TTLL11: variants seen among roughly 807,000 people sequenced by gnomAD.
TTLL11 encodes tubulin tyrosine ligase like 11, also known as tubulin polyglutamylase TTLL11.
A neutral mutation model predicts 51.7 loss-of-function variants in TTLL11; 42 were observed. The ratio of observed to expected loss-of-function variants is 0.81; its 90% CI spans 0.64 to 1.05. The LOEUF (loss-of-function observed/expected upper bound fraction) is 1.05. TTLL11 is among the 50% of genes least tolerant of loss of function. The pLI is 0.00. For synonymous variants in TTLL11, 381 were observed against 383.5 expected (o/e 0.99, Z 0.08); for missense variants, 799 against 940.4 (o/e 0.85, Z 1.97).
intron 8 of TTLL11, among the ~76,000 whole-genome samples, chr9:121,841,328 GC>G (rs990695938): frequency 6.6e-6 from 1 of 152,196 alleles, no homozygotes; most frequent in Non-Finnish European, 1.5e-5. Flanking sequence ...CCTGCAGGTA[GC>G]AGGCAAACCC....
At chr9:121,961,494 C>CCCAA (rs1842218238) in intron 6 of TTLL11, among the ~76,000 whole-genome samples, 1 of 152,078 alleles carries the variant, frequency 6.6e-6, no homozygotes, top group South Asian at 2.1e-4. Flanking sequence ...CAAATTTACC[C>CCCAA]CCAAGAGTCT....
At chr9:121,962,303 G>A (rs1269595338) in intron 6 of TTLL11, among the ~76,000 whole-genome samples, 1 of 152,146 alleles carries the variant, frequency 6.6e-6, no homozygotes, top group Non-Finnish European at 1.5e-5. Flanking sequence ...CAGCAGGGAA[G>A]CAGCATCTGT....
At position 122,000,471 on chromosome 9, in the gene TTLL11, C is replaced by CAA. The variant is rs57775265; in HGVS notation, c.694-10703_694-10702dup. On this transcript the variant is annotated intron_variant, in intron 3 of 8. Coordinates refer to ENST00000321582, the MANE Select transcript of TTLL11 (RefSeq NM_001139442.2). ...TGGGTGACAGAGTGAGACTCCGTCG[C>CAA]AAAAAAAAAAAAAAAAAAAAAAAAA... Among the ~76,000 whole-genome samples the CAA allele has an allele frequency of 4.7e-3, 108 of 22,768 alleles. 9 individuals are homozygous for CAA. Among genetic ancestry groups the CAA allele is most frequent in the Non-Finnish European group, 6.2e-3 (68 of 10,992 alleles). 14.9% of individuals were successfully genotyped at this position (22,768 alleles called of 152,430 possible).
intron 6 of TTLL11, among the ~76,000 whole-genome samples, chr9:121,907,494 C>A (rs4128247): frequency 1.3e-5 from 2 of 151,908 alleles, no homozygotes; most frequent in African/African-American, 4.8e-5. Flanking sequence ...TATTAAAAAG[C>A]TTGTCCGTGG....
Position 121,853,959 on chromosome 9 carries a change from A to G in TTLL11, c.1840+6378T>C. Among the ~76,000 whole-genome samples the G allele has an allele frequency of 6.6e-6, 1 of 152,242 alleles. No individual in the cohort carries two copies. On this transcript the variant is annotated intron_variant, in intron 8 of 8. Transcript: ENST00000321582. The surrounding 1 kb of genome is among the most constrained non-coding windows in gnomAD (Gnocchi z 5.6). Reference sequence around the variant, plus strand: ...GGAGCAATGGGATCACACTAGGGGCAGACCCGCTTCCTGAGCATTTTCCAC... The same window carrying G: ...GGAGCAATGGGATCACACTAGGGGCGGACCCGCTTCCTGAGCATTTTCCAC...
intron 6 of TTLL11, among the ~76,000 whole-genome samples, chr9:121,964,411 C>T (rs1387864284): frequency 6.6e-6 from 1 of 152,098 alleles, no homozygotes; most frequent in Non-Finnish European, 1.5e-5. Context: ...GATTCTCCTG[C>T]CTTAGCCTCC....
In TTLL11 at chr9:121,995,531, G is replaced by A. The variant is rs577007263; in HGVS notation, c.694-5761C>T. Among the ~76,000 whole-genome samples, 4 of 152,248 alleles carry A rather than the reference G, an allele frequency of 2.6e-5. No homozygotes were observed. The highest frequency in any genetic ancestry group is 4.1e-4 in the South Asian group (2 of 4,822). On this transcript the variant is annotated intron_variant, in intron 3 of 8. Transcript: ENST00000321582. The surrounding 1 kb of genome is among the most constrained non-coding windows in gnomAD (Gnocchi z 4.4). ...AGGAAAGGGTCATGGGTGAGCTCAC[G>A]GTTTGGGACTTCAGCAATTTTGGGA...
At chr9:122,031,316 G>T (rs1844532931) in intron 3 of TTLL11, among the ~76,000 whole-genome samples, 1 of 152,154 alleles carries the variant, frequency 6.6e-6, no homozygotes, top group African/African-American at 2.4e-5. Context: ...CTGCTCCCTG[G>T]CCTTTAAACA....
intron 6 of TTLL11, among the ~76,000 whole-genome samples, chr9:121,872,086 T>G (rs1422319894): frequency 6.6e-6 from 1 of 152,248 alleles, no homozygotes. Context: ...GTGCTGCTGT[T>G]AATGGTACCA....
At chr9:122,058,977 G>C (rs1845370698) in intron 1 of TTLL11, among the ~76,000 whole-genome samples, 1 of 152,022 alleles carries the variant, frequency 6.6e-6, no homozygotes, top group Non-Finnish European at 1.5e-5. Context: ...GGCCACGTAC[G>C]GCTTTCAGTC....
At chr9:121,847,070 C>T (rs1271392540) in intron 8 of TTLL11, among the ~76,000 whole-genome samples, 3 of 152,130 alleles carry the variant, frequency 2.0e-5, no homozygotes, top group East Asian at 3.9e-4. Flanking sequence ...ATTAGCCAGG[C>T]GTGGTGGCTG....
intron 8 of TTLL11, among the ~76,000 whole-genome samples, chr9:121,845,751 CTA>C (rs1214257916): frequency 1.3e-5 from 2 of 151,924 alleles, no homozygotes; most frequent in East Asian, 1.9e-4. Flanking sequence ...AGGATAATGA[CTA>C]TTTTTAAAAA....
intron 6 of TTLL11, among the ~76,000 whole-genome samples, chr9:121,886,303 G>T (rs997641450): frequency 6.6e-6 from 1 of 152,180 alleles, no homozygotes; most frequent in Non-Finnish European, 1.5e-5. Context: ...ACCTGTGAAT[G>T]TGACCTTTTT....
chr9:122,088,600 A>C (rs981034677), intron 1 of TTLL11, among the ~76,000 whole-genome samples: 1 of 152,232 alleles, frequency 6.6e-6, no homozygotes, highest in African/African-American at 2.4e-5. Flanking sequence ...TGGGAGAATC[A>C]AACAATTGTA....
chr9:121,962,754 T>C (rs1183871196), intron 6 of TTLL11, among the ~76,000 whole-genome samples: 1 of 152,256 alleles, frequency 6.6e-6, no homozygotes, highest in Non-Finnish European at 1.5e-5. Context: ...TCTTTGTACA[T>C]TGGCTTACTT....
chr9:121,822,901 GA>G lies in TTLL11; in HGVS notation c.1841-23del. The G allele has an allele frequency of 6.5e-7, 1 of 1,537,742 alleles. No homozygotes were observed. The highest frequency in any genetic ancestry group is 8.8e-7 in the Non-Finnish European group (1 of 1,139,992). On this transcript the variant is annotated intron_variant, in intron 8 of 8. Transcript: ENST00000321582. This position sits in a 1 kb window ranked among gnomAD's most constrained non-coding sequence, Gnocchi z 5.8. Reference sequence around the variant, plus strand: ...ATCCCTGTGAACAAAGAGACTGGATGAGGGGGTGCACACAGCTGCCCTACGC... The same window carrying G: ...ATCCCTGTGAACAAAGAGACTGGATGGGGGGTGCACACAGCTGCCCTACGC...
intron 8 of TTLL11, among the ~76,000 whole-genome samples, chr9:121,826,940 TG>T (rs1172742501): frequency 6.6e-6 from 1 of 151,848 alleles, no homozygotes; most frequent in Non-Finnish European, 1.5e-5. Flanking sequence ...CAGGACAGGC[TG>T]GGGAAGAGGC....
intron 3 of TTLL11, among the ~76,000 whole-genome samples, chr9:122,026,468 G>C (rs1844345403): frequency 6.6e-6 from 1 of 151,136 alleles, no homozygotes. Context: ...GGGAAGGACA[G>C]AAGGATTACA....
chr9:122,006,981 CAAAAAA>C (rs71371911), intron 3 of TTLL11, among the ~76,000 whole-genome samples: 618 of 43,386 alleles, frequency 0.014, 3 homozygotes, highest in African/African-American at 0.043. Context: ...GATACTCTGT[CAAAAAA>C]AAAAAAAAAA....
Sources: allele counts gnomAD v4.1 joint callset (sites outside exome capture counted in the v4.1 genomes callset), GRCh38; gene constraint gnomAD v4.1.1; non-coding constraint Gnocchi (gnomAD v3.1); transcripts MANE v1.5; gene names NCBI Gene and HGNC (gene_info 2026-07-23, HGNC 2026-07-21).